Variants in AGBL1 observed in about 807,000 individuals in gnomAD.
The protein encoded by AGBL1 is AGBL carboxypeptidase 1.
AGBL1 carries 130 observed loss-of-function variants against 118.9 expected under a neutral mutation model. The observed-to-expected ratio is 1.09, with a 90% confidence interval of 0.95 to 1.26. The LOEUF (loss-of-function observed/expected upper bound fraction) is 1.26. Among genes scored for constraint, AGBL1 ranks in the 50% most tolerant of loss-of-function variants. The pLI is 0.00. For synonymous variants in AGBL1, 555 were observed against 478.9 expected (o/e 1.16, Z -2.08); for missense variants, 1,584 against 1,298.1 (o/e 1.22, Z -3.38).
At chr15:86,898,069 G>T (rs1275201719) in intron 22 of AGBL1, among the ~76,000 whole-genome samples, 1 of 151,928 alleles carries the variant, frequency 6.6e-6, no homozygotes, top group Non-Finnish European at 1.5e-5. Flanking sequence ...ACTGCACCTG[G>T]CCCTGAATAA....
chr15:86,961,754 C>T (rs2080995413), intron 23 of AGBL1, among the ~76,000 whole-genome samples: 1 of 152,070 alleles, frequency 6.6e-6, no homozygotes, highest in African/African-American at 2.4e-5. Flanking sequence ...AGTTTAGCCA[C>T]TCCTGGATTC....
intron 22 of AGBL1, among the ~76,000 whole-genome samples, chr15:86,772,742 ATGTT>A (rs2078199241): frequency 6.6e-6 from 1 of 152,092 alleles, no homozygotes; most frequent in African/African-American, 2.4e-5. Context: ...CAGAAAGAAA[ATGTT>A]TGAAGATGTT....
At chr15:86,204,590 G>A (rs8028926) in intron 5 of AGBL1, among the ~76,000 whole-genome samples, 56,102 of 149,614 alleles carry the variant, frequency 0.37, 10,692 homozygotes, top group South Asian at 0.51. Context: ...TCATTGGTTC[G>A]TTTAGTTTTG....
intron 6 of AGBL1, among the ~76,000 whole-genome samples, chr15:86,238,776 G>A (rs1048083814): frequency 2.0e-5 from 3 of 152,140 alleles, no homozygotes; most frequent in Non-Finnish European, 4.4e-5. Context: ...GAAGAGTTTC[G>A]AGTCTTGTGG....
chr15:86,244,998 T>A (rs1265297736), intron 6 of AGBL1, among the ~76,000 whole-genome samples: 1 of 152,140 alleles, frequency 6.6e-6, no homozygotes. Flanking sequence ...ATGAAGGCAA[T>A]TCAAACCCTC....
chr15:86,562,437 G>T (rs2083839632), intron 21 of AGBL1, among the ~76,000 whole-genome samples: 1 of 152,112 alleles, frequency 6.6e-6, no homozygotes, highest in African/African-American at 2.4e-5. Context: ...TTATATGCTG[G>T]ATTATGTTTA....
chr15:86,196,883 A>G (rs144269720), intron 5 of AGBL1, among the ~76,000 whole-genome samples: 17,719 of 74,990 alleles, frequency 0.24, 1,243 homozygotes, highest in African/African-American at 0.32. Flanking sequence ...GCGCGCGCAC[A>G]CACACACACA....
chr15:86,800,075 A>G (rs909145461), intron 22 of AGBL1, among the ~76,000 whole-genome samples: 17 of 152,086 alleles, frequency 1.1e-4, no homozygotes, highest in African/African-American at 4.1e-4. Context: ...AGCAGCCAAT[A>G]TCATGCTTGT....
intron 22 of AGBL1, among the ~76,000 whole-genome samples, chr15:86,870,172 T>G (rs1246342045): frequency 1.3e-5 from 2 of 152,084 alleles, no homozygotes; most frequent in East Asian, 3.9e-4. Context: ...TAAGATCATC[T>G]AATTGGAAAA....
intron 19 of AGBL1, among the ~76,000 whole-genome samples, chr15:86,541,647 A>G (rs967875286): frequency 7.3e-5 from 11 of 151,298 alleles, no homozygotes; most frequent in Admixed American, 7.2e-4. Context: ...CCACTGCTCT[A>G]AAGTCTAGAA....
At chr15:86,362,065 C>T (rs1307050816) in intron 17 of AGBL1, among the ~76,000 whole-genome samples, 1 of 152,060 alleles carries the variant, frequency 6.6e-6, no homozygotes, top group Non-Finnish European at 1.5e-5. Context: ...GGACAGTATG[C>T]TTTGAGTCCT....
At chr15:86,857,609 C>T (rs2141472876) in intron 22 of AGBL1, among the ~76,000 whole-genome samples, 1 of 152,318 alleles carries the variant, frequency 6.6e-6, no homozygotes, top group South Asian at 2.1e-4. Context: ...CCCGACCCTT[C>T]TGAATAGATC....
chr15:86,401,681 T>A (rs948543180), intron 18 of AGBL1, among the ~76,000 whole-genome samples: 2 of 152,200 alleles, frequency 1.3e-5, no homozygotes, highest in Non-Finnish European at 2.9e-5. Flanking sequence ...TTGCCAGTTA[T>A]CCCAGCACCA....
At chr15:86,449,317 A>C (rs2082165072) in intron 18 of AGBL1, among the ~76,000 whole-genome samples, 1 of 152,230 alleles carries the variant, frequency 6.6e-6, no homozygotes, top group Non-Finnish European at 1.5e-5. Context: ...CCAAGCAAAG[A>C]AAAAAGGATC....
At chr15:86,676,981 A>C (rs910073574) in intron 22 of AGBL1, among the ~76,000 whole-genome samples, 3 of 152,024 alleles carry the variant, frequency 2.0e-5, no homozygotes, top group Non-Finnish European at 2.9e-5. Flanking sequence ...ATGGCACTGC[A>C]CTCCAGCCTG....
intron 18 of AGBL1, among the ~76,000 whole-genome samples, chr15:86,496,101 A>AG (rs1349002124): frequency 6.6e-6 from 1 of 151,880 alleles, no homozygotes; most frequent in African/African-American, 2.4e-5. Flanking sequence ...CGGCATGTTG[A>AG]GGGACAGACC....
intron 22 of AGBL1, among the ~76,000 whole-genome samples, chr15:86,825,023 C>A (rs1213203453): frequency 6.6e-6 from 1 of 152,058 alleles, no homozygotes; most frequent in East Asian, 1.9e-4. Context: ...TGCCACTGCA[C>A]TCCAGCCTAG....
At chr15:86,413,349 T>A (rs1275794346) in intron 18 of AGBL1, among the ~76,000 whole-genome samples, 1 of 152,190 alleles carries the variant, frequency 6.6e-6, no homozygotes, top group Non-Finnish European at 1.5e-5. Context: ...ATGCATAATA[T>A]TATGACATTT....
chr15:86,196,537 A>C (rs2077805456), intron 5 of AGBL1, among the ~76,000 whole-genome samples: 1 of 152,110 alleles, frequency 6.6e-6, no homozygotes, highest in Non-Finnish European at 1.5e-5. Context: ...AGAAGGGGTG[A>C]GCTCTCCTTT....
Sources: gnomAD v4.1 joint callset for allele counts (sites outside exome capture counted in the v4.1 genomes callset) on GRCh38, gnomAD v4.1.1 for gene constraint, MANE v1.5 for transcripts, NCBI Gene and HGNC (gene_info 2026-07-23, HGNC 2026-07-21) for gene names.